The following PTBP2 variants were observed in gnomAD, a reference collection of about 807,000 sequenced individuals.
PTBP2 encodes the protein polypyrimidine tract binding protein 2.
In PTBP2, 13 loss-of-function variants were observed where a neutral mutation model predicts 61.4. The ratio of observed to expected loss-of-function variants is 0.21; its 90% CI spans 0.14 to 0.34. PTBP2 has a LOEUF of 0.34. PTBP2 is among the 10% of genes least tolerant of loss of function. The pLI is 1.00. For synonymous variants in PTBP2, 215 were observed against 218.5 expected (o/e 0.98, Z 0.14); for missense variants, 405 against 642.6 (o/e 0.63, Z 4.00).
At chr1:96,811,502 C>T (rs1469196456) in intron 11 of PTBP2, among the ~76,000 whole-genome samples, 2 of 152,146 alleles carry the variant, frequency 1.3e-5, no homozygotes, top group African/African-American at 4.8e-5. Flanking sequence ...TCACTGTAAC[C>T]TCCGCCTCCT....
At chr1:96,807,885 C>G (rs1295336070) in intron 11 of PTBP2, among the ~76,000 whole-genome samples, 1 of 152,256 alleles carries the variant, frequency 6.6e-6, no homozygotes, top group Admixed American at 6.5e-5. Flanking sequence ...TAAAGAGATA[C>G]GAAAGTGCTG....
At chr1:96,757,117 A>T (rs2100940477) in intron 3 of PTBP2, among the ~76,000 whole-genome samples, 1 of 152,330 alleles carries the variant, frequency 6.6e-6, no homozygotes, top group South Asian at 2.1e-4. Flanking sequence ...ATGCGCTTGC[A>T]TTGCATTTCT....
At chr1:96,769,102 T>C (rs1227510444) in intron 3 of PTBP2, among the ~76,000 whole-genome samples, 1 of 152,006 alleles carries the variant, frequency 6.6e-6, no homozygotes, top group East Asian at 1.9e-4. Flanking sequence ...GAGAAATGCA[T>C]TGTTAGGTAA....
downstream of PTBP2, chr1:96,818,781 T>G (rs1662574360): frequency 6.6e-6 from 1 of 152,084 alleles, no homozygotes; most frequent in African/African-American, 2.4e-5. Context: ...AAGAAATAAT[T>G]GAACTGAAAA....
intron 2 of PTBP2, among the ~76,000 whole-genome samples, chr1:96,740,322 A>G (rs140041979): frequency 1.3e-5 from 2 of 152,142 alleles, no homozygotes; most frequent in Non-Finnish European, 2.9e-5. Context: ...AAGTGAGGCC[A>G]CCATTTTACT....
chr1:96,765,704 T>A (rs1656604703), intron 3 of PTBP2, among the ~76,000 whole-genome samples: 1 of 115,898 alleles, frequency 8.6e-6, no homozygotes, highest in African/African-American at 3.5e-5. Flanking sequence ...AGCAAGACTC[T>A]GTCTTAGATA....
At chr1:96,724,084 GAAGTT>G (rs1650028977) in intron 2 of PTBP2, among the ~76,000 whole-genome samples, 2 of 152,158 alleles carry the variant, frequency 1.3e-5, no homozygotes, top group Non-Finnish European at 2.9e-5. Context: ...ATTTGAATTA[GAAGTT>G]AAGAGCTGGT....
chr1:96,750,440 A>G (rs1654392534), intron 2 of PTBP2, among the ~76,000 whole-genome samples: 1 of 151,690 alleles, frequency 6.6e-6, no homozygotes, highest in Admixed American at 6.6e-5. Flanking sequence ...GAAAGCTCTT[A>G]AAATATTTAA....
At chr1:96,770,016 TG>T in intron 4 of PTBP2, 141 bp downstream of exon 4, 1 of 604,182 alleles carries the variant, frequency 1.7e-6, no homozygotes. Context: ...TAGATGTCTG[TG>T]GGAAACTAAT....
chr1:96,741,055 T>TACA (rs1212137026), intron 2 of PTBP2, among the ~76,000 whole-genome samples: 3 of 152,148 alleles, frequency 2.0e-5, no homozygotes, highest in Non-Finnish European at 4.4e-5. Flanking sequence ...ATGTAGATTC[T>TACA]TGTTTCTATA....
At chr1:96,817,468 T>C (rs1662528946), downstream of PTBP2, 1 of 152,096 alleles carries the variant, frequency 6.6e-6, no homozygotes, top group Non-Finnish European at 1.5e-5. Flanking sequence ...CCCTTTAAAT[T>C]TTCTAGTTTC....
chr1:96,747,309 A>G (rs1173070358), intron 2 of PTBP2, among the ~76,000 whole-genome samples: 2 of 152,088 alleles, frequency 1.3e-5, no homozygotes, highest in South Asian at 2.1e-4. Context: ...TAGCTTTTCA[A>G]CTGTTGCTGT....
In PTBP2 at chr1:96,749,353, GATA is replaced by G. The variant is rs568945556; in HGVS notation, c.40-2065_40-2063del. 1.3e-4 allele frequency among the ~76,000 whole-genome samples: 20 copies of G among 152,252 alleles called. 1 individual carries two copies. Among genetic ancestry groups the G allele is most frequent in the Admixed American group, 1.2e-3 (19 of 15,282 alleles). Reference sequence around the variant, plus strand: ...TAGTCAAACATCAGAAGAATAAGCTGATAATAATACATTTGAAAAGAGGTCAAG... The same window carrying G: ...TAGTCAAACATCAGAAGAATAAGCTGATAATACATTTGAAAAGAGGTCAAG... On this transcript the variant is annotated intron_variant, in intron 2 of 13. Transcript: ENST00000674951.
At chr1:96,723,418 AT>A in intron 1 of PTBP2, 145 bp from the exon 2 acceptor site, 1 of 565,556 alleles carries the variant, frequency 1.8e-6, no homozygotes, top group Non-Finnish European at 3.1e-6. Context: ...TAAGTCACGG[AT>A]CATCTGTGGT....
At chr1:96,799,277 C>A (rs1660718516) in intron 8 of PTBP2, among the ~76,000 whole-genome samples, 1 of 137,406 alleles carries the variant, frequency 7.3e-6, no homozygotes, top group Non-Finnish European at 1.6e-5. Flanking sequence ...TTATAGCAAT[C>A]CTCAGAATAG....
chr1:96,787,261 A>T (rs1254749047), intron 8 of PTBP2, among the ~76,000 whole-genome samples: 1 of 152,116 alleles, frequency 6.6e-6, no homozygotes, highest in Non-Finnish European at 1.5e-5. Context: ...ATCTCAGGTG[A>T]TCTGCCCGCC....
exon 14 of PTBP2, chr1:96,820,352 A>G (rs960027341): frequency 2.6e-5 from 4 of 152,134 alleles, no homozygotes; most frequent in African/African-American, 7.2e-5. Flanking sequence ...ACCACAGTAC[A>G]GCTGGTTCTA....
intron 11 of PTBP2, among the ~76,000 whole-genome samples, chr1:96,811,026 C>A (rs918380961): frequency 3.3e-5 from 5 of 150,632 alleles, no homozygotes; most frequent in African/African-American, 9.7e-5. Context: ...AAATATATAA[C>A]ACTGGAGTGA....
At chr1:96,768,161 A>C (rs114462690) in intron 3 of PTBP2, among the ~76,000 whole-genome samples, 1 of 152,172 alleles carries the variant, frequency 6.6e-6, no homozygotes, top group African/African-American at 2.4e-5. Context: ...ACCTCACAGC[A>C]TATACCGTAG....
Sources: gnomAD v4.1 joint callset for allele counts (sites outside exome capture counted in the v4.1 genomes callset) on GRCh38, gnomAD v4.1.1 for gene constraint, MANE v1.5 for transcripts, NCBI Gene and HGNC (gene_info 2026-07-23, HGNC 2026-07-21) for gene names.